The following KCNK2 variants were observed in gnomAD, a reference collection of about 807,000 sequenced individuals.
KCNK2 encodes the protein potassium two pore domain channel subfamily K member 2.
A neutral mutation model predicts 40.5 loss-of-function variants in KCNK2; 21 were observed. The observed-to-expected ratio is 0.52, with a 90% CI of 0.37 to 0.75. KCNK2 has a LOEUF of 0.75. Ranked by LOEUF, KCNK2 falls within the 30% of genes least tolerant of loss-of-function variation. The probability of loss-of-function intolerance (pLI) is 0.00; values close to 1 mark genes in which losing one functional copy is unlikely to be tolerated. For synonymous variants in KCNK2, 191 were observed against 202.2 expected (o/e 0.94, Z 0.47); for missense variants, 399 against 531.6 (o/e 0.75, Z 2.45).
chr1:215,014,272 A>G (rs1342341447), intron 1 of KCNK2, among the ~76,000 whole-genome samples: 1 of 152,002 alleles, frequency 6.6e-6, no homozygotes, highest in East Asian at 1.9e-4. Context: ...CTTAACTGTA[A>G]GACAGTTCTC....
intron 5 of KCNK2, among the ~76,000 whole-genome samples, chr1:215,187,809 T>A (rs1664506460): frequency 6.8e-6 from 1 of 146,734 alleles, no homozygotes; most frequent in African/African-American, 2.5e-5. Context: ...ACCACAGCTC[T>A]CTAGCCTGGG....
At chr1:215,014,182 C>G (rs968259997) in intron 1 of KCNK2, among the ~76,000 whole-genome samples, 1 of 151,906 alleles carries the variant, frequency 6.6e-6, no homozygotes, top group Non-Finnish European at 1.5e-5. Flanking sequence ...GATTTTTCTC[C>G]TATCGTTTGT....
At chr1:215,152,116 A>C (rs1399143749) in intron 3 of KCNK2, among the ~76,000 whole-genome samples, 1 of 152,096 alleles carries the variant, frequency 6.6e-6, no homozygotes, top group Non-Finnish European at 1.5e-5. Flanking sequence ...CTGATATAGT[A>C]CATTAACATT....
intron 6 of KCNK2, among the ~76,000 whole-genome samples, chr1:215,199,384 T>C (rs1278306518): frequency 6.6e-6 from 1 of 152,268 alleles, no homozygotes; most frequent in African/African-American, 2.4e-5. Flanking sequence ...AAATTATGTT[T>C]TGTTTTCCAT....
chr1:215,206,544 C>T (rs1024152709), intron 6 of KCNK2, among the ~76,000 whole-genome samples: 1 of 152,050 alleles, frequency 6.6e-6, no homozygotes, highest in African/African-American at 2.4e-5. Context: ...CATTAGTTAA[C>T]TAAAACTTTT....
intron 6 of KCNK2, among the ~76,000 whole-genome samples, chr1:215,210,494 G>A (rs2102688098): frequency 6.6e-6 from 1 of 152,162 alleles, no homozygotes; most frequent in African/African-American, 2.4e-5. Flanking sequence ...TAGTGTCTCT[G>A]ATTTGCAAGT....
At chr1:215,157,463 A>G (rs1221281042) in intron 3 of KCNK2, among the ~76,000 whole-genome samples, 1 of 152,146 alleles carries the variant, frequency 6.6e-6, no homozygotes, top group Non-Finnish European at 1.5e-5. Flanking sequence ...TTAATCTGCA[A>G]TCTTCTCTAT....
intron 3 of KCNK2, among the ~76,000 whole-genome samples, chr1:215,149,262 G>A (rs1263010167): frequency 6.6e-5 from 10 of 152,134 alleles, no homozygotes; most frequent in African/African-American, 9.7e-5. Flanking sequence ...GCCTTCTGTC[G>A]TCTGAGGATG....
At chr1:215,120,295 A>G (rs936932531) in intron 2 of KCNK2, among the ~76,000 whole-genome samples, 6 of 152,178 alleles carry the variant, frequency 3.9e-5, no homozygotes, top group Admixed American at 2.0e-4. Context: ...ATCAATTGCT[A>G]TAGTCAATAA....
At chr1:215,221,890 A>G (rs547491234) in intron 6 of KCNK2, among the ~76,000 whole-genome samples, 1 of 152,334 alleles carries the variant, frequency 6.6e-6, no homozygotes, top group East Asian at 1.9e-4. Context: ...AATACCTGAG[A>G]CTGGGTAATT....
intron 5 of KCNK2, 45 bp downstream of exon 5, chr1:215,172,228 A>G: frequency 6.6e-7 from 1 of 1,504,084 alleles, no homozygotes; most frequent in South Asian, 1.2e-5. Flanking sequence ...ACAGGGGTTT[A>G]TTAGATAGAT....
rs571824913 is a variant in KCNK2 at position 215,091,948 on chromosome 1, A to T, written c.357+5270A>T. 2.6e-5 allele frequency among the ~76,000 whole-genome samples: 4 copies of T among 152,230 alleles called. No homozygotes were observed. In the East Asian group the frequency reaches 5.8e-4, roughly 22 times the overall value. ...TGATGTCAGGCAGGTAATGGGGGCC[A>T]GGTCATGTAGGGCCCTGGAAGTCAT... On this transcript the variant is annotated intron_variant, in intron 2 of 6. Transcript: ENST00000444842.
At chr1:215,090,893 G>C (rs1326713212) in intron 2 of KCNK2, among the ~76,000 whole-genome samples, 1 of 152,034 alleles carries the variant, frequency 6.6e-6, no homozygotes, top group Non-Finnish European at 1.5e-5. Context: ...TTTATACTAG[G>C]CATCTCATTT....
intron 6 of KCNK2, among the ~76,000 whole-genome samples, chr1:215,212,296 C>T (rs867643201): frequency 2.0e-4 from 30 of 152,108 alleles, no homozygotes; most frequent in African/African-American, 7.0e-4. Context: ...CCACTTCCTA[C>T]GTATGAAATG....
At chr1:215,204,993 T>C (rs1342540534) in intron 6 of KCNK2, among the ~76,000 whole-genome samples, 1 of 152,122 alleles carries the variant, frequency 6.6e-6, no homozygotes, top group Non-Finnish European at 1.5e-5. Context: ...CATGCATGTG[T>C]ATACATGTAT....
intron 1 of KCNK2, among the ~76,000 whole-genome samples, chr1:215,014,762 G>A (rs978807990): frequency 6.6e-6 from 1 of 152,072 alleles, no homozygotes; most frequent in Non-Finnish European, 1.5e-5. Flanking sequence ...TCCATGAACT[G>A]ATAAGGGTGT....
chr1:215,223,477 G>T (rs1187186661), intron 6 of KCNK2, among the ~76,000 whole-genome samples: 3 of 151,992 alleles, frequency 2.0e-5, no homozygotes, highest in Admixed American at 1.3e-4. Flanking sequence ...AGATAAGGCA[G>T]GGTAAGCTCC....
chr1:215,161,786 G>A lies in KCNK2; in HGVS notation c.476-7413G>A, dbSNP rs370467337. Among the ~76,000 whole-genome samples the A allele has an allele frequency of 8.9e-4, 136 of 152,150 alleles. No homozygotes were observed. The South Asian group carries it at 0.017, about 19-fold the overall frequency. On this transcript the variant is annotated intron_variant, in intron 3 of 6. Transcript: ENST00000444842. ...CTTTTTTATGGCTGCATAGTATTCC[G>A]TGGTGTATATGTGCCACATTTTCTT...
At chr1:215,083,893 G>C (rs1558082700) in intron 1 of KCNK2, among the ~76,000 whole-genome samples, 1 of 152,158 alleles carries the variant, frequency 6.6e-6, no homozygotes, top group Non-Finnish European at 1.5e-5. Context: ...ATTAACAGAA[G>C]ACTGTGATGA....
Sources: allele counts gnomAD v4.1 joint callset (sites outside exome capture counted in the v4.1 genomes callset), GRCh38; gene constraint gnomAD v4.1.1; transcripts MANE v1.5; gene names NCBI Gene and HGNC (gene_info 2026-07-23, HGNC 2026-07-21).